MGMT: variants seen among roughly 807,000 people sequenced by gnomAD.
MGMT encodes methylated-DNA--protein-cysteine methyltransferase.
In MGMT, 14 loss-of-function variants were observed where a neutral mutation model predicts 15.9. That is an observed-to-expected ratio of 0.88 (90% CI 0.58 to 1.37). The LOEUF (loss-of-function observed/expected upper bound fraction) is 1.37. Among genes scored for constraint, MGMT ranks in the 40% most tolerant of loss-of-function variants. The pLI, the probability that MGMT is intolerant of heterozygous loss-of-function variation, is 0.00. For missense variants in MGMT, 282 were observed against 268.1 expected (o/e 1.05, Z -0.36); for synonymous variants, 130 against 118.2 (o/e 1.10, Z -0.65).
chr10:129,622,813 TAG>T (rs1020268206), intron 2 of MGMT, among the ~76,000 whole-genome samples: 1 of 152,136 alleles, frequency 6.6e-6, no homozygotes, highest in African/African-American at 2.4e-5. Context: ...AGAAAGTATT[TAG>T]AGTTAGTGAG....
At chr10:129,520,389 A>G (rs73382899) in intron 1 of MGMT, among the ~76,000 whole-genome samples, 6,825 of 151,010 alleles carry the variant, frequency 0.045, 543 homozygotes, top group African/African-American at 0.16. Context: ...GTCCTAAAGC[A>G]TCTCCTTCCA....
intron 2 of MGMT, among the ~76,000 whole-genome samples, chr10:129,615,571 A>G (rs1402973972): frequency 6.6e-6 from 1 of 152,208 alleles, no homozygotes; most frequent in Non-Finnish European, 1.5e-5. Flanking sequence ...CTCATCCGGA[A>G]CATTCCTCAC....
chr10:129,764,179 G>A (rs1589982343), intron 4 of MGMT, among the ~76,000 whole-genome samples: 2 of 152,360 alleles, frequency 1.3e-5, no homozygotes, highest in East Asian at 3.9e-4. Context: ...ACAGCTTTAT[G>A]AACTTGGGCA....
intron 1 of MGMT, among the ~76,000 whole-genome samples, chr10:129,487,915 GTGTGT>G (rs1845425701): frequency 1.6e-5 from 2 of 126,774 alleles, no homozygotes; most frequent in African/African-American, 5.8e-5. Context: ...ATATAGGGGT[GTGTGT>G]GTGTGTGTGT....
intron 2 of MGMT, among the ~76,000 whole-genome samples, chr10:129,665,070 A>G (rs1847641548): frequency 2.0e-5 from 3 of 147,006 alleles, no homozygotes; most frequent in Admixed American, 1.4e-4. Context: ...TATGGCACAG[A>G]AATCTGACTT....
intron 2 of MGMT, among the ~76,000 whole-genome samples, chr10:129,676,579 G>A (rs1847788844): frequency 6.6e-6 from 1 of 152,180 alleles, no homozygotes; most frequent in Non-Finnish European, 1.5e-5. Context: ...CACGTGACAT[G>A]GAGCCTGCAG....
At chr10:129,551,162 G>A (rs1185930327) in intron 2 of MGMT, among the ~76,000 whole-genome samples, 1 of 152,240 alleles carries the variant, frequency 6.6e-6, no homozygotes, top group African/African-American at 2.4e-5. Context: ...CTACACAAAT[G>A]TGGGGAGGTA....
chr10:129,761,979 G>A (rs1478551667), intron 4 of MGMT, among the ~76,000 whole-genome samples: 1 of 152,218 alleles, frequency 6.6e-6, no homozygotes, highest in Non-Finnish European at 1.5e-5. Context: ...TATGGTTCAG[G>A]TTGACAGCCT....
chr10:129,688,777 A>G (rs535483027), intron 2 of MGMT, among the ~76,000 whole-genome samples: 1 of 152,176 alleles, frequency 6.6e-6, no homozygotes. Context: ...CTAAAGAACA[A>G]CGTTTTTATT....
chr10:129,566,775 C>G lies in MGMT; in HGVS notation c.125+30398C>G, dbSNP rs191225422. Among the ~76,000 whole-genome samples the G allele has an allele frequency of 6.6e-6, 1 of 152,232 alleles. No individual in the cohort carries two copies. Among genetic ancestry groups the G allele is most frequent in the East Asian group, 1.9e-4 (1 of 5,144 alleles). ...GTATTCCTCAGCTCTGCCCCAGGGT[C>G]CCTCTGATTCCACGGAGGAGCTGCG... is the stretch of plus-strand genomic sequence containing the variant. On this transcript the variant is annotated intron_variant, in intron 2 of 4. Transcript: ENST00000651593. The surrounding 1 kb of genome is among the most constrained non-coding windows in gnomAD (Gnocchi z 4.1).
chr10:129,521,951 G>A (rs954189643), intron 1 of MGMT, among the ~76,000 whole-genome samples: 2 of 152,244 alleles, frequency 1.3e-5, no homozygotes, highest in Non-Finnish European at 2.9e-5. Context: ...GAAGCGTGCC[G>A]GTGCAGGGCA....
At chr10:129,763,576 T>C (rs1848899480) in intron 4 of MGMT, among the ~76,000 whole-genome samples, 1 of 152,134 alleles carries the variant, frequency 6.6e-6, no homozygotes, top group Non-Finnish European at 1.5e-5. Flanking sequence ...TCATAGCTCA[T>C]TGAGAGGGAG....
intron 1 of MGMT, among the ~76,000 whole-genome samples, chr10:129,481,242 C>G (rs139240277): frequency 4.6e-5 from 7 of 152,300 alleles, no homozygotes; most frequent in African/African-American, 1.7e-4. Flanking sequence ...CTCTTTTCTG[C>G]AGTGAATATG....
chr10:129,467,933 T>C (rs1371638003), intron 1 of MGMT, among the ~76,000 whole-genome samples: 2 of 152,176 alleles, frequency 1.3e-5, no homozygotes, highest in East Asian at 1.9e-4. Flanking sequence ...TCTCCTGAAA[T>C]CTCAGGGTGG....
chr10:129,602,531 A>G (rs1846836242), intron 2 of MGMT, among the ~76,000 whole-genome samples: 1 of 152,194 alleles, frequency 6.6e-6, no homozygotes, highest in African/African-American at 2.4e-5. Flanking sequence ...AATCTGTGTC[A>G]CAATCCAAAG....
At chr10:129,594,981 C>G (rs1028099142) in intron 2 of MGMT, among the ~76,000 whole-genome samples, 2 of 152,166 alleles carry the variant, frequency 1.3e-5, no homozygotes, top group African/African-American at 4.8e-5. Flanking sequence ...GAGAGGGGAG[C>G]CGGAGCAGCG....
At position 129,468,578 on chromosome 10, in the gene MGMT, A is replaced by G. The variant is rs1047495977; in HGVS notation, c.-13+1282A>G. Among the ~76,000 whole-genome samples, 5 of 151,826 alleles carry G rather than the reference A, an allele frequency of 3.3e-5. No individual in the cohort carries two copies. The East Asian group carries it at 7.8e-4, about 24-fold the overall frequency. ...TACTCAGGTACTTTTCAATGTATAT[A>G]TCTTCATTAAAAAAAAAAAATCTGG... On this transcript the variant is annotated intron_variant, in intron 1 of 4. Transcript: ENST00000651593.
At chr10:129,741,666 G>T (rs1377886089) in intron 3 of MGMT, among the ~76,000 whole-genome samples, 1 of 152,170 alleles carries the variant, frequency 6.6e-6, no homozygotes, top group Non-Finnish European at 1.5e-5. Flanking sequence ...CTGATATTTC[G>T]AGTGGGGTCA....
chr10:129,505,833 A>G (rs531095451), intron 1 of MGMT, among the ~76,000 whole-genome samples: 1 of 152,100 alleles, frequency 6.6e-6, no homozygotes, highest in Non-Finnish European at 1.5e-5. Context: ...TGGGCATCAT[A>G]TTTGAGAGAT....
Sources: gnomAD v4.1 joint callset for allele counts (sites outside exome capture counted in the v4.1 genomes callset) on GRCh38, gnomAD v4.1.1 for gene constraint, Gnocchi (gnomAD v3.1) non-coding constraint, MANE v1.5 for transcripts, NCBI Gene and HGNC (gene_info 2026-07-23, HGNC 2026-07-21) for gene names.